Variants in PIP4K2A observed in about 807,000 individuals in gnomAD.
PIP4K2A encodes phosphatidylinositol-5-phosphate 4-kinase type 2 alpha.
Under a neutral mutation model 42.9 loss-of-function variants are expected in PIP4K2A, and 14 were observed. That is an observed-to-expected ratio of 0.33 (90% CI 0.22 to 0.51). PIP4K2A has a LOEUF of 0.51. PIP4K2A is among the 20% of genes least tolerant of loss of function. PIP4K2A has a pLI of 0.97. For synonymous variants in PIP4K2A, 192 were observed against 192.2 expected (o/e 1.00, Z 0.01); for missense variants, 434 against 519.8 (o/e 0.83, Z 1.61).
chr10:22,667,795 GAAGTA>G (rs1347429956), intron 1 of PIP4K2A, among the ~76,000 whole-genome samples: 1 of 151,672 alleles, frequency 6.6e-6, no homozygotes, highest in Non-Finnish European at 1.5e-5. Flanking sequence ...AAAAGTTTTA[GAAGTA>G]AATAATACTT....
chr10:22,565,436 A>G (rs1436283096), intron 6 of PIP4K2A, among the ~76,000 whole-genome samples: 2 of 152,140 alleles, frequency 1.3e-5, no homozygotes, highest in Admixed American at 1.3e-4. Context: ...CAATCTCTCA[A>G]CATAAATTGT....
chr10:22,703,243 T>C (rs958716693), intron 1 of PIP4K2A, among the ~76,000 whole-genome samples: 3 of 151,566 alleles, frequency 2.0e-5, no homozygotes, highest in Non-Finnish European at 4.4e-5. Flanking sequence ...CCCCATCTCT[T>C]ACAAAAATTA....
At chr10:22,658,009 T>C (rs1243179539) in intron 1 of PIP4K2A, among the ~76,000 whole-genome samples, 1 of 152,194 alleles carries the variant, frequency 6.6e-6, no homozygotes, top group Non-Finnish European at 1.5e-5. Flanking sequence ...TACAGAAATA[T>C]GTGGCGCCAG....
At chr10:22,539,686 G>A (rs1836040450) in intron 9 of PIP4K2A, 1 of 352,264 alleles carries the variant, frequency 2.8e-6, no homozygotes, top group Admixed American at 4.3e-5. Flanking sequence ...TCATGTTTAA[G>A]TGACTTCGCT....
chr10:22,672,127 G>A (rs1839464366), intron 1 of PIP4K2A, among the ~76,000 whole-genome samples: 1 of 152,062 alleles, frequency 6.6e-6, no homozygotes, highest in Non-Finnish European at 1.5e-5. Context: ...TACAGAAAAA[G>A]ACCGATGTAC....
rs201903932 is a variant in PIP4K2A, at chr10:22,542,006, C to T, written c.834G>A (p.Val278=). 1.3e-5 allele frequency: 21 copies of T among 1,613,360 alleles called. No homozygotes were observed. Among genetic ancestry groups the T allele is most frequent in the Non-Finnish European group, 1.8e-5 (21 of 1,179,646 alleles). The change falls in exon 8 of 10, where the codon GTG becomes GTA. Residue 278 remains valine (V), a synonymous_variant. Coordinates refer to ENST00000376573, the MANE Select transcript of PIP4K2A (RefSeq NM_005028.5). The part of the protein sequence containing the change: ...QLKLMDYSLL[V]GIHDVERAEQ... ...CGGCTCTCTCCACATCATGAATTCC[C>T]ACCAGCAGACTGTAGTCCATGAGCT...
chr10:22,661,711 AC>A (rs1361540097), intron 1 of PIP4K2A: 1 of 152,076 alleles, frequency 6.6e-6, no homozygotes, highest in Non-Finnish European at 1.5e-5. Flanking sequence ...AGGACAAGGG[AC>A]TTGCTTTTCA....
chr10:22,634,163 G>C (rs1167249458), intron 1 of PIP4K2A, among the ~76,000 whole-genome samples: 3 of 152,226 alleles, frequency 2.0e-5, no homozygotes, highest in South Asian at 2.1e-4. Flanking sequence ...CTGAGCACCT[G>C]TGAAAACTGT....
At chr10:22,698,993 A>C (rs553557189) in intron 1 of PIP4K2A, among the ~76,000 whole-genome samples, 1 of 152,354 alleles carries the variant, frequency 6.6e-6, no homozygotes, top group South Asian at 2.1e-4. Context: ...TCCTGGCTCA[A>C]ATATTCATTG....
At chr10:22,712,913 GGTGT>G (rs35439666) in intron 1 of PIP4K2A, among the ~76,000 whole-genome samples, 76 of 147,568 alleles carry the variant, frequency 5.2e-4, no homozygotes, top group East Asian at 5.9e-4. Context: ...CTACATTGAG[GGTGT>G]GTGTGTGTGT....
intron 3 of PIP4K2A, among the ~76,000 whole-genome samples, chr10:22,603,388 C>T (rs1038284707): frequency 2.0e-5 from 3 of 152,106 alleles, no homozygotes; most frequent in Admixed American, 6.5e-5. Context: ...CTGAAGCCTC[C>T]GTTTGACTTC....
intron 1 of PIP4K2A, among the ~76,000 whole-genome samples, chr10:22,664,046 T>TATAC (rs1554807157): frequency 2.2e-5 from 2 of 91,504 alleles, no homozygotes; most frequent in African/African-American, 7.1e-5. Flanking sequence ...TATATATATA[T>TATAC]ACATATGTAT....
intron 3 of PIP4K2A, among the ~76,000 whole-genome samples, chr10:22,604,491 G>A (rs943485692): frequency 6.6e-6 from 1 of 151,768 alleles, no homozygotes; most frequent in African/African-American, 2.4e-5. Flanking sequence ...ATTTAGAGCC[G>A]CTTGTCCAAA....
At chr10:22,664,128 T>TACATATATATATACATATATATATAC in intron 1 of PIP4K2A, among the ~76,000 whole-genome samples, 1 of 61,742 alleles carries the variant, frequency 1.6e-5, no homozygotes, top group Admixed American at 2.0e-4. Context: ...TATATATATA[T>TACATATATATATACATATATATATAC]ACATATATAT....
At chr10:22,637,221 C>G (rs1838685382) in intron 1 of PIP4K2A, among the ~76,000 whole-genome samples, 1 of 152,152 alleles carries the variant, frequency 6.6e-6, no homozygotes, top group East Asian at 1.9e-4. Flanking sequence ...CTAGGTTGGT[C>G]TCTCTGGAAC....
chr10:22,622,909 C>T (rs1403194587), intron 1 of PIP4K2A, among the ~76,000 whole-genome samples: 1 of 151,930 alleles, frequency 6.6e-6, no homozygotes, highest in South Asian at 2.1e-4. Context: ...AAAAAGTATG[C>T]ATTATTTCAA....
chr10:22,569,681 C>T (rs1317546162), intron 5 of PIP4K2A, among the ~76,000 whole-genome samples: 1 of 151,964 alleles, frequency 6.6e-6, no homozygotes, highest in African/African-American at 2.4e-5. Flanking sequence ...CTGTCTGTGT[C>T]TGTGTGTGTG....
In PIP4K2A at chr10:22,664,111, A is replaced by G. The variant is rs1301645209; in HGVS notation, c.144+50072T>C. Among the ~76,000 whole-genome samples the G allele has an allele frequency of 6.7e-5, 5 of 74,952 alleles. No individual in the cohort carries two copies. In the East Asian group the frequency reaches 1.2e-3, roughly 18 times the overall value. 49.2% of individuals were successfully genotyped at this position (74,952 alleles called of 152,430 possible). On this transcript the variant is annotated intron_variant, in intron 1 of 9. Transcript: ENST00000376573. ...TATACATATATATATATACATATAT[A>G]TATACATATATATATATACATATAT...
chr10:22,646,943 CAAAACAAAACAAAACAAAAA>C (rs1359952541), intron 1 of PIP4K2A, among the ~76,000 whole-genome samples: 12 of 111,074 alleles, frequency 1.1e-4, no homozygotes, highest in African/African-American at 2.0e-4. Context: ...AAAAACAAAA[CAAAACAAAACAAAACAAAAA>C]AAAACAAACC....
Sources: allele counts gnomAD v4.1 joint callset (sites outside exome capture counted in the v4.1 genomes callset), GRCh38; gene constraint gnomAD v4.1.1; transcripts MANE v1.5; gene names NCBI Gene and HGNC (gene_info 2026-07-23, HGNC 2026-07-21).